The following EHD3 variants were observed in gnomAD, a reference collection of about 807,000 sequenced individuals.
EHD3 encodes the protein EH domain-containing protein 3.
A neutral mutation model predicts 43.0 loss-of-function variants in EHD3; 17 were observed. The ratio of observed to expected loss-of-function variants is 0.40; its 90% CI spans 0.27 to 0.59. The LOEUF (loss-of-function observed/expected upper bound fraction) is 0.59, where lower values mean the gene tolerates loss of function less well. EHD3 is among the 20% of genes least tolerant of loss of function. EHD3 has a pLI of 0.49. For synonymous variants in EHD3, 313 were observed against 289.5 expected (o/e 1.08, Z -0.82); for missense variants, 594 against 705.6 (o/e 0.84, Z 1.79).
chr2:31,246,570 T>G (rs972060914), intron 2 of EHD3, among the ~76,000 whole-genome samples: 1 of 152,206 alleles, frequency 6.6e-6, no homozygotes, highest in African/African-American at 2.4e-5. Context: ...TGTATTGTAT[T>G]ATATGTAATA....
intron 3 of EHD3, among the ~76,000 whole-genome samples, chr2:31,251,109 G>T (rs1683626324): frequency 6.6e-6 from 1 of 152,204 alleles, no homozygotes; most frequent in African/African-American, 2.4e-5. Flanking sequence ...GTATTGACGA[G>T]GCCCAAGTGG....
At chr2:31,265,003 C>G (rs6734084) in intron 5 of EHD3, among the ~76,000 whole-genome samples, 78,741 of 151,922 alleles carry the variant, frequency 0.52, 21,658 homozygotes, top group East Asian at 0.77. Flanking sequence ...AACACCCATG[C>G]TAGTCTAGGC....
At position 31,260,968 on chromosome 2, in the gene EHD3, A is replaced by G. The variant is rs941518589; in HGVS notation, c.915+46A>G. 1 of 1,545,994 alleles carries G rather than the reference A, an allele frequency of 6.5e-7. No individual in the cohort carries two copies. Among genetic ancestry groups the G allele is most frequent in the Non-Finnish European group, 8.7e-7 (1 of 1,150,038 alleles). On this transcript the variant is annotated intron_variant, in intron 4 of 5. Coordinates refer to ENST00000322054, the MANE Select transcript of EHD3 (RefSeq NM_014600.3). The surrounding 1 kb of genome is among the most constrained non-coding windows in gnomAD (Gnocchi z 4.6). ...GTGGGCAGCTTGGGCAGGGGCCCAG[A>G]GTTTGGGGTCAGCTGCACGAGCTGA...
intron 1 of EHD3, among the ~76,000 whole-genome samples, chr2:31,240,724 C>G (rs1572461794): frequency 6.6e-6 from 1 of 152,222 alleles, no homozygotes; most frequent in African/African-American, 2.4e-5. Flanking sequence ...TTTGAGACGC[C>G]TGTGTGAGAA....
At chr2:31,263,536 G>A (rs757814306) in intron 5 of EHD3, among the ~76,000 whole-genome samples, 3 of 152,176 alleles carry the variant, frequency 2.0e-5, no homozygotes, top group African/African-American at 7.2e-5. Flanking sequence ...ATACCTAGAT[G>A]TGAGCAGGCT....
chr2:31,237,013 T>C (rs555203440), intron 1 of EHD3, among the ~76,000 whole-genome samples: 4 of 152,148 alleles, frequency 2.6e-5, no homozygotes, highest in Non-Finnish European at 5.9e-5. Context: ...TTATCCTCCA[T>C]GTGCAGTAGT....
At chr2:31,255,178 T>C (rs1683726505) in intron 3 of EHD3, among the ~76,000 whole-genome samples, 2 of 152,234 alleles carry the variant, frequency 1.3e-5, no homozygotes, top group African/African-American at 2.4e-5. Flanking sequence ...AGCAGACTTG[T>C]GCTATGAAGT....
chr2:31,245,059 G>C (rs773090131), intron 2 of EHD3, among the ~76,000 whole-genome samples: 1 of 152,224 alleles, frequency 6.6e-6, no homozygotes, highest in Non-Finnish European at 1.5e-5. Context: ...TAATTATTCT[G>C]TTTAACCAGA....
chr2:31,249,405 G>A lies in EHD3; in HGVS notation c.439G>A (p.Glu147Lys). The A allele has an allele frequency of 6.2e-7, 1 of 1,614,194 alleles. No homozygotes were observed. The highest frequency in any genetic ancestry group is 8.5e-7 in the Non-Finnish European group (1 of 1,180,020). ...TGCCCAGCTACCTAACCCTGTGCTGGAGAGCATCAGCGTCATCGACACACC... is the reference window on the plus strand; with the variant it reads ...TGCCCAGCTACCTAACCCTGTGCTGAAGAGCATCAGCGTCATCGACACACC... ...VCAQLPNPVL[E>K]SISVIDTPGI... Residue 147 changes from glutamate to lysine, a missense_variant, in exon 3 of 6, where the codon GAG (glutamate) becomes AAG (lysine). Coordinates refer to ENST00000322054, the MANE Select transcript of EHD3 (RefSeq NM_014600.3).
chr2:31,242,749 G>C (rs1175881711), intron 1 of EHD3, among the ~76,000 whole-genome samples: 1 of 151,684 alleles, frequency 6.6e-6, no homozygotes, highest in Non-Finnish European at 1.5e-5. Flanking sequence ...ACCTGAGGTC[G>C]GGAGTTCGAG....
intron 3 of EHD3, among the ~76,000 whole-genome samples, chr2:31,251,629 A>G (rs895885917): frequency 2.0e-5 from 3 of 152,192 alleles, no homozygotes; most frequent in Middle Eastern, 3.4e-3. Context: ...TCACCTGGGA[A>G]GGGGGTCTTG....
intron 3 of EHD3, among the ~76,000 whole-genome samples, chr2:31,257,835 C>G (rs72861144): frequency 6.6e-6 from 1 of 152,080 alleles, no homozygotes; most frequent in East Asian, 1.9e-4. Flanking sequence ...GTCTCTGAGC[C>G]GAGACAGGAC....
At chr2:31,254,632 T>G (rs1358971528) in intron 3 of EHD3, among the ~76,000 whole-genome samples, 1 of 152,210 alleles carries the variant, frequency 6.6e-6, no homozygotes, top group East Asian at 1.9e-4. Flanking sequence ...GAGATTTTTT[T>G]GGGGAGGGAT....
rs1014477777 is a variant in EHD3 at position 31,234,362 on chromosome 2, C to T, written c.-260C>T. The T allele has an allele frequency of 1.2e-5, 6 of 508,956 alleles. No individual in the cohort carries two copies. Among genetic ancestry groups the T allele is most frequent in the African/African-American group, 2.0e-5 (1 of 49,980 alleles). The allele number at this position is 508,956 out of a possible 1,614,324, so 31.5% of individuals were successfully genotyped here. ...AACTTTAATTGCCAAGATTTCACCC[C>T]TCCTCCTCAAGCCCAGATTATTTAT... On this transcript the variant is annotated 5_prime_UTR_variant, in exon 1 of 6. Transcript: ENST00000322054.
intron 1 of EHD3, among the ~76,000 whole-genome samples, chr2:31,235,399 T>C (rs1397387714): frequency 6.6e-6 from 1 of 152,112 alleles, no homozygotes; most frequent in African/African-American, 2.4e-5. Context: ...GCAGAGCTCC[T>C]GTGTATATAT....
In EHD3 at chr2:31,250,051, A is replaced by G. The variant is rs146983442; in HGVS notation, c.502+583A>G. 8.5e-3 allele frequency among the ~76,000 whole-genome samples: 1,074 copies of G among 125,656 alleles called. 17 individuals are homozygous for G. Among genetic ancestry groups the G allele is most frequent in the African/African-American group, 0.03 (991 of 33,310 alleles). The allele number at this position is 125,656 out of a possible 152,430, so 82.4% of individuals were successfully genotyped here. On this transcript the variant is annotated intron_variant, in intron 3 of 5. Transcript: ENST00000322054. ...GCCTGCCTCTGCCACTTCATAGCAC[A>G]GTGACCCTCAGCAGGTTTCTTTATT...
At chr2:31,239,975 G>A (rs1352329908) in intron 1 of EHD3, among the ~76,000 whole-genome samples, 7 of 152,316 alleles carry the variant, frequency 4.6e-5, no homozygotes, top group South Asian at 2.1e-4. Context: ...TGCCCTGGGC[G>A]GGCTGGCCTG....
intron 2 of EHD3, among the ~76,000 whole-genome samples, chr2:31,247,022 G>C (rs1210396371): frequency 1.3e-5 from 2 of 152,008 alleles, no homozygotes; most frequent in Admixed American, 1.3e-4. Flanking sequence ...TCAGCCTCCT[G>C]AATAGCTGGG....
chr2:31,246,049 G>A (rs6720276), intron 2 of EHD3, among the ~76,000 whole-genome samples: 88,000 of 151,806 alleles, frequency 0.58, 26,109 homozygotes, highest in East Asian at 0.81. Context: ...GAAGGGTCAC[G>A]CTGAGAAATC....
Sources: allele counts gnomAD v4.1 joint callset (sites outside exome capture counted in the v4.1 genomes callset), GRCh38; gene constraint gnomAD v4.1.1; non-coding constraint Gnocchi (gnomAD v3.1); transcripts MANE v1.5; gene names NCBI Gene and HGNC (gene_info 2026-07-23, HGNC 2026-07-21).